COL5A1: variants seen among roughly 807,000 people sequenced by gnomAD.
COL5A1 encodes the protein collagen alpha-1(V) chain.
COL5A1 carries 16 observed loss-of-function variants against 263.7 expected under a neutral mutation model. The observed-to-expected ratio is 0.06, with a 90% CI of 0.04 to 0.09. The LOEUF (loss-of-function observed/expected upper bound fraction) is 0.09, where lower values mean the gene tolerates loss of function less well. Ranked by LOEUF, COL5A1 falls within the 10% of genes least tolerant of loss-of-function variation. The pLI, the probability that COL5A1 is intolerant of heterozygous loss-of-function variation, is 1.00. For synonymous variants in COL5A1, 1,012 were observed against 1,004.5 expected (o/e 1.01, Z -0.14); for missense variants, 2,036 against 2,540.5 (o/e 0.80, Z 4.27).
rs2132573049 is a variant in COL5A1, at chr9:134,701,259, A to G, written c.580A>G (p.Ser194Gly). Residue 194 changes from serine to glycine, a missense_variant, in exon 4 of 66, where the codon AGC (serine) becomes GGC (glycine). Physicochemically the swap from Ser to Gly is moderately conservative, Grantham distance 56. Coordinates refer to ENST00000371817, the MANE Select transcript of COL5A1 (RefSeq NM_000093.5). ...KKKTTKFLDRSDHPMIDINGI... is the reference protein window; with the variant it reads ...KKKTTKFLDRGDHPMIDINGI... ...GAAGACCACCAAATTCCTCGACCGC[A>G]GCGACCACCCCATGATCGACATCAA... is the stretch of plus-strand genomic sequence containing the variant. The G allele has an allele frequency of 6.2e-7, 1 of 1,614,028 alleles. No homozygotes were observed. Among genetic ancestry groups the G allele is most frequent in the Non-Finnish European group, 8.5e-7 (1 of 1,180,020 alleles).
At chr9:134,727,860 C>A (rs567787017) in intron 5 of COL5A1, among the ~76,000 whole-genome samples, 2 of 152,296 alleles carry the variant, frequency 1.3e-5, no homozygotes, top group South Asian at 4.1e-4. Context: ...TGCCTGACAC[C>A]TTTGTCCCTC....
At chr9:134,744,851 G>C (rs1347935750) in intron 11 of COL5A1, among the ~76,000 whole-genome samples, 2 of 146,244 alleles carry the variant, frequency 1.4e-5, no homozygotes, top group Admixed American at 1.4e-4. Flanking sequence ...CCATACACAT[G>C]CACACACATT....
chr9:134,750,955 G>A, intron 13 of COL5A1, 73 bp downstream of exon 13: 1 of 1,303,750 alleles, frequency 7.7e-7, no homozygotes, highest in Non-Finnish European at 1.1e-6. Flanking sequence ...GAGTGAGTGA[G>A]TCAGGCTCAG....
chr9:134,811,714 G>C (rs765716615), intron 46 of COL5A1, 115 bp downstream of exon 46: 8 of 888,614 alleles, frequency 9.0e-6, no homozygotes, highest in Middle Eastern at 3.2e-4. Context: ...CAGGCTGCAG[G>C]GGGCCTCCTG....
At position 134,768,574 on chromosome 9, in the gene COL5A1, C is replaced by T. The variant is rs1046206068; in HGVS notation, c.2286+111C>T. ...TGTTGTTGGACGGCATTGACTCATT[C>T]TGGCTCTGTTGATGAAGACCCGTTT... On this transcript the variant is annotated intron_variant, in intron 25 of 65. Transcript: ENST00000371817. 2.1e-5 allele frequency: 24 copies of T among 1,145,490 alleles called. No individual in the cohort carries two copies. The African/African-American group carries it at 2.9e-4, about 14-fold the overall frequency. The allele number at this position is 1,145,490 out of a possible 1,614,324, so 71.0% of individuals were successfully genotyped here. A position where few individuals can be genotyped will look rare whatever the true frequency, so the allele number is the denominator to read the frequency against.
At chr9:134,753,983 C>T in intron 15 of COL5A1, 80 bp downstream of exon 15, 2 of 1,223,296 alleles carry the variant, frequency 1.6e-6, no homozygotes, top group East Asian at 2.3e-5. Flanking sequence ...TGGAGGGACC[C>T]CAACTGCTGC....
At position 134,723,110 on chromosome 9, in the gene COL5A1, G is replaced by A. The variant is rs541268257; in HGVS notation, c.655-4156G>A. On this transcript the variant is annotated intron_variant, in intron 4 of 65. Transcript: ENST00000371817. The stretch of plus-strand genomic sequence containing the variant: ...GCCCCCGAGGTGAAGTCTGGAAGGA[G>A]AGGAACCTGTCACCCAGTGCCCTCC... Among the ~76,000 whole-genome samples the A allele has an allele frequency of 5.7e-4, 87 of 152,298 alleles. 1 individual carries two copies. In the South Asian group the frequency reaches 0.017, roughly 31 times the overall value.
chr9:134,841,953 G>T lies in COL5A1; in HGVS notation c.5371-204G>T, dbSNP rs1052723509. Among the ~76,000 whole-genome samples the T allele has an allele frequency of 9.2e-5, 14 of 152,222 alleles. No individual in the cohort carries two copies. Among genetic ancestry groups the T allele is most frequent in the Non-Finnish European group, 1.3e-4 (9 of 68,010 alleles). On this transcript the variant is annotated intron_variant, in intron 65 of 65. Transcript: ENST00000371817. The surrounding 1 kb of genome is among the most constrained non-coding windows in gnomAD (Gnocchi z 4.8). ...ACCCCACCTCCGACCTGTGCAGGGG[G>T]ACTCTTGGGACATCCACCGGGGTTA...
intron 1 of COL5A1, among the ~76,000 whole-genome samples, chr9:134,655,313 C>T (rs1475648051): frequency 6.6e-6 from 1 of 151,128 alleles, no homozygotes; most frequent in Non-Finnish European, 1.5e-5. Flanking sequence ...GAGTCCCCAC[C>T]CGAGGGAGGC....
At chr9:134,707,994 C>T (rs181717829) in intron 4 of COL5A1, among the ~76,000 whole-genome samples, 2 of 152,300 alleles carry the variant, frequency 1.3e-5, no homozygotes, top group East Asian at 3.9e-4. Flanking sequence ...GGGAGGGCTG[C>T]GGAGCTGGGA....
chr9:134,811,374 C>T lies in COL5A1; in HGVS notation c.3564C>T (p.Ile1188=), dbSNP rs766961124. Residue 1188 remains isoleucine (I), a synonymous_variant, in exon 45 of 66, where the codon ATC becomes ATT. Coordinates refer to ENST00000371817, the MANE Select transcript of COL5A1 (RefSeq NM_000093.5). Reference sequence around the variant, plus strand: ...GGCCTACAGGTCCTCAAGGCCCCATCGGACAGCCAGGCCCCTCTGTGAGTA... The same window carrying T: ...GGCCTACAGGTCCTCAAGGCCCCATTGGACAGCCAGGCCCCTCTGTGAGTA... The part of the protein sequence containing the change: ...PPGPTGPQGP[I]GQPGPSGADG... The T allele has an allele frequency of 1.6e-5, 26 of 1,613,870 alleles. No homozygotes were observed. Among genetic ancestry groups the T allele is most frequent in the Middle Eastern group, 1.6e-4 (1 of 6,084 alleles).
intron 35 of COL5A1, 21 bp from the exon 36 acceptor site, chr9:134,796,827 C>T (rs1457963797): frequency 5.6e-6 from 9 of 1,613,272 alleles, no homozygotes; most frequent in Non-Finnish European, 6.8e-6. Context: ...TGTCCTCAAA[C>T]TGGCCTTTCT....
intron 32 of COL5A1, among the ~76,000 whole-genome samples, chr9:134,790,114 A>G (rs994338716): frequency 6.6e-6 from 1 of 152,206 alleles, no homozygotes; most frequent in Admixed American, 6.5e-5. Context: ...CCCAGGGCAG[A>G]CAGAGCTACA....
intron 4 of COL5A1, among the ~76,000 whole-genome samples, chr9:134,718,260 C>T (rs529285074): frequency 6.6e-5 from 10 of 152,348 alleles, no homozygotes; most frequent in East Asian, 5.8e-4. Flanking sequence ...CGAACGTGGC[C>T]GCCAACTGTG....
chr9:134,721,642 C>T (rs962616937), intron 4 of COL5A1, among the ~76,000 whole-genome samples: 3 of 152,234 alleles, frequency 2.0e-5, no homozygotes, highest in Non-Finnish European at 4.4e-5. Flanking sequence ...TCCTCCTCCG[C>T]CCAGTCCTTG....
chr9:134,687,020 A>G (rs1833101513), intron 1 of COL5A1, among the ~76,000 whole-genome samples: 2 of 152,104 alleles, frequency 1.3e-5, no homozygotes, highest in South Asian at 4.1e-4. Context: ...GCCCCACTCC[A>G]CTATCCCATT....
chr9:134,689,679 C>T (rs569674316), intron 1 of COL5A1, among the ~76,000 whole-genome samples: 145 of 152,288 alleles, frequency 9.5e-4, no homozygotes, highest in Non-Finnish European at 1.7e-3. Flanking sequence ...GCTTCCTTAT[C>T]CTGGCTGGTC....
chr9:134,829,616 C>T (rs1301892041), intron 63 of COL5A1, among the ~76,000 whole-genome samples: 1 of 151,114 alleles, frequency 6.6e-6, no homozygotes, highest in Non-Finnish European at 1.5e-5. Flanking sequence ...CAGGCTCATC[C>T]TCACGCGGCC....
At chr9:134,790,605 C>CCCATCCAT (rs58733002) in intron 32 of COL5A1, among the ~76,000 whole-genome samples, 4,651 of 84,430 alleles carry the variant, frequency 0.055, 169 homozygotes, top group African/African-American at 0.067. Flanking sequence ...CATCCACCCA[C>CCCATCCAT]CCATCCATCC....
Sources: allele counts gnomAD v4.1 joint callset (sites outside exome capture counted in the v4.1 genomes callset), GRCh38; gene constraint gnomAD v4.1.1; non-coding constraint Gnocchi (gnomAD v3.1); transcripts MANE v1.5; gene names NCBI Gene and HGNC (gene_info 2026-07-23, HGNC 2026-07-21).